PSMA3: variants seen among roughly 807,000 people sequenced by gnomAD.
PSMA3 encodes the protein proteasome 20S subunit alpha 3.
In PSMA3, 8 loss-of-function variants were observed where a neutral mutation model predicts 40.0. The ratio of observed to expected loss-of-function variants is 0.20; its 90% CI spans 0.12 to 0.36. The LOEUF (loss-of-function observed/expected upper bound fraction) is 0.36. Ranked by LOEUF, PSMA3 falls within the 10% of genes least tolerant of loss-of-function variation. PSMA3 has a pLI of 1.00. For synonymous variants in PSMA3, 110 were observed against 100.0 expected (o/e 1.10, Z -0.59); for missense variants, 219 against 310.6 (o/e 0.70, Z 2.22).
At chr14:58,255,060 ATGGT>A (rs1185430158) in intron 3 of PSMA3, among the ~76,000 whole-genome samples, 2 of 152,098 alleles carry the variant, frequency 1.3e-5, no homozygotes, top group Admixed American at 1.3e-4. Flanking sequence ...TGGTTGGTTT[ATGGT>A]ACCTTAAGTG....
At chr14:58,252,069 A>C (rs759594837) in intron 2 of PSMA3, 50 bp from the exon 3 acceptor site, 3 of 1,545,516 alleles carry the variant, frequency 1.9e-6, no homozygotes, top group African/African-American at 2.8e-5. Context: ...AAGTTTATGA[A>C]GTTTCTTTTA....
chr14:58,252,034 C>G (rs993167862), intron 2 of PSMA3, 85 bp from the exon 3 acceptor site: 17 of 1,401,688 alleles, frequency 1.2e-5, no homozygotes, highest in Non-Finnish European at 1.5e-5. Context: ...TTAAATGTTA[C>G]TTATTTTGTT....
At chr14:58,249,399 C>T (rs982030479) in intron 2 of PSMA3, among the ~76,000 whole-genome samples, 4 of 152,076 alleles carry the variant, frequency 2.6e-5, no homozygotes, top group Non-Finnish European at 4.4e-5. Flanking sequence ...TATGTTGCCT[C>T]GGCTGGTCTT....
intron 5 of PSMA3, among the ~76,000 whole-genome samples, chr14:58,259,045 A>C (rs2140088038): frequency 6.6e-6 from 1 of 152,292 alleles, no homozygotes; most frequent in Non-Finnish European, 1.5e-5. Flanking sequence ...CTCCTACCTC[A>C]GCCTCCCAAG....
chr14:58,263,278 C>G (rs111364917), intron 6 of PSMA3, among the ~76,000 whole-genome samples: 7,391 of 152,174 alleles, frequency 0.049, 386 homozygotes, highest in Admixed American at 0.17. Flanking sequence ...ACCCACCACA[C>G]CCAGCTGTGC....
chr14:58,258,299 G>A (rs890259734), intron 5 of PSMA3: 5 of 256,142 alleles, frequency 2.0e-5, no homozygotes, highest in Non-Finnish European at 3.8e-5. Flanking sequence ...ATTTAGCCAG[G>A]TGCAGTATCA....
At chr14:58,258,567 C>G (rs1351495285) in intron 5 of PSMA3, 3 of 151,208 alleles carry the variant, frequency 2.0e-5, no homozygotes, top group African/African-American at 7.3e-5. Context: ...GTGTTAGTCC[C>G]TGATATTCTT....
intron 8 of PSMA3, chr14:58,267,751 G>A (rs952399912): frequency 5.5e-6 from 4 of 731,926 alleles, no homozygotes; most frequent in Non-Finnish European, 5.4e-6. Flanking sequence ...ATAAACTCCT[G>A]TTACAGGTTA....
chr14:58,268,182 G>A (rs570179966), intron 8 of PSMA3: 1 of 152,282 alleles, frequency 6.6e-6, no homozygotes, highest in East Asian at 1.9e-4. Context: ...AGATCAAAGA[G>A]TGTAGACATT....
rs774361030 is a variant in PSMA3, at chr14:58,270,969, A to G, written c.694A>G (p.Ile232Val). The change falls in exon 10 of 11, where the codon ATA (isoleucine) becomes GTA (valine). Residue 232 changes from isoleucine (I) to valine (V), a missense_variant. Transcript: ENST00000216455. ...NGRHEIVPKD[I>V]REEAEKYAKE... ...AAGACATGAAATTGTTCCAAAAGAT[A>G]TAAGAGAAGAAGCAGAGAAATATGC... is the stretch of plus-strand genomic sequence containing the variant. 7.0e-5 allele frequency: 112 copies of G among 1,609,218 alleles called. No homozygotes were observed. Among genetic ancestry groups the G allele is most frequent in the South Asian group, 2.3e-4 (21 of 90,432 alleles).
chr14:58,259,243 CAGTT>C (rs1186547384), intron 5 of PSMA3, among the ~76,000 whole-genome samples: 25 of 152,196 alleles, frequency 1.6e-4, no homozygotes, highest in Non-Finnish European at 1.5e-5. Flanking sequence ...CTGAGTTCAT[CAGTT>C]AACTTCTCTA....
chr14:58,270,372 A>G (rs763000461), intron 8 of PSMA3, 46 bp from the exon 9 acceptor site: 14 of 1,608,178 alleles, frequency 8.7e-6, no homozygotes, highest in Admixed American at 5.1e-5. Flanking sequence ...AACTACTTCA[A>G]TGTTTGGAGG....
chr14:58,271,152 T>TA (rs1890607298), intron 10 of PSMA3, among the ~76,000 whole-genome samples, 154 bp downstream of exon 10: 1 of 151,262 alleles, frequency 6.6e-6, no homozygotes, highest in Non-Finnish European at 1.5e-5. Flanking sequence ...TTGAATAATA[T>TA]AAATAGACTG....
chr14:58,244,919 C>G lies in PSMA3; in HGVS notation c.-2C>G, dbSNP rs758451337. The stretch of plus-strand genomic sequence containing the variant: ...CCTACGCGTCCCTTTGGGTTTAGCA[C>G]GATGAGCTCAATCGGCACTGGGGTG... On this transcript the variant is annotated 5_prime_UTR_variant, in exon 1 of 11. Coordinates refer to ENST00000216455, the MANE Select transcript of PSMA3 (RefSeq NM_002788.4). The G allele has an allele frequency of 3.1e-6, 5 of 1,614,176 alleles. No homozygotes were observed. Among genetic ancestry groups the G allele is most frequent in the Admixed American group, 1.7e-5 (1 of 60,022 alleles).
chr14:58,259,687 T>C (rs74057663), intron 5 of PSMA3, among the ~76,000 whole-genome samples: 2,095 of 152,242 alleles, frequency 0.014, 44 homozygotes, highest in African/African-American at 0.048. Context: ...TGAAGTCACA[T>C]TGATAAAATA....
chr14:58,248,574 G>A lies in PSMA3; in HGVS notation c.104+742G>A, dbSNP rs561960800. Among the ~76,000 whole-genome samples the A allele has an allele frequency of 3.3e-5, 5 of 152,200 alleles. No individual in the cohort carries two copies. In the East Asian group the frequency reaches 7.7e-4, roughly 24 times the overall value. ...GAGTCACTGTGGCCAGCCTAAATACGATTTTAAAAAGTCAGATTTATGCAA... is the reference window on the plus strand; with the variant it reads ...GAGTCACTGTGGCCAGCCTAAATACAATTTTAAAAAGTCAGATTTATGCAA... On this transcript the variant is annotated intron_variant, in intron 2 of 10. Coordinates refer to ENST00000216455, the MANE Select transcript of PSMA3 (RefSeq NM_002788.4).
At chr14:58,253,654 C>T (rs1192289006) in intron 3 of PSMA3, among the ~76,000 whole-genome samples, 3 of 152,182 alleles carry the variant, frequency 2.0e-5, no homozygotes, top group African/African-American at 4.8e-5. Flanking sequence ...AGTGCAATGG[C>T]GCGATCTCAG....
At position 58,270,319 on chromosome 14, in the gene PSMA3, A is replaced by G. The variant is rs1286454641; in HGVS notation, c.591-99A>G. 5 of 1,496,848 alleles carry G rather than the reference A, an allele frequency of 3.3e-6. No homozygotes were observed. The Admixed American group carries it at 6.5e-5, about 19-fold the overall frequency. 92.7% of individuals were successfully genotyped at this position (1,496,848 alleles called of 1,614,324 possible). A position where few individuals can be genotyped will look rare whatever the true frequency, so the allele number is the denominator to read the frequency against. Reference sequence around the variant, plus strand: ...TCTGTGTAATTTTATAGATACTTTTATTATGGATGGACATTCTAATTTGTA... The same window carrying G: ...TCTGTGTAATTTTATAGATACTTTTGTTATGGATGGACATTCTAATTTGTA... On this transcript the variant is annotated intron_variant, in intron 8 of 10. Transcript: ENST00000216455.
At chr14:58,268,648 T>C (rs1890515870) in intron 8 of PSMA3, 1 of 152,240 alleles carries the variant, frequency 6.6e-6, no homozygotes, top group African/African-American at 2.4e-5. Context: ...TATCATGATA[T>C]ACTCTGTTTC....
Sources: allele counts gnomAD v4.1 joint callset (sites outside exome capture counted in the v4.1 genomes callset), GRCh38; gene constraint gnomAD v4.1.1; transcripts MANE v1.5; gene names NCBI Gene and HGNC (gene_info 2026-07-23, HGNC 2026-07-21).